The following ZNF189 variants were observed in gnomAD, a reference collection of about 807,000 sequenced individuals.
ZNF189 encodes the protein zinc finger protein 189.
Under a neutral mutation model 53.5 loss-of-function variants are expected in ZNF189, and 33 were observed. The observed-to-expected ratio is 0.62, with a 90% CI of 0.47 to 0.82. The LOEUF (loss-of-function observed/expected upper bound fraction) is 0.82. Among genes scored for constraint, ZNF189 ranks in the 40% least tolerant of loss-of-function variants. The probability of loss-of-function intolerance (pLI) is 0.00; values close to 1 mark genes in which losing one functional copy is unlikely to be tolerated. For synonymous variants in ZNF189, 247 were observed against 238.8 expected (o/e 1.03, Z -0.32); for missense variants, 711 against 753.9 (o/e 0.94, Z 0.67).
At position 101,408,435 on chromosome 9, in the gene ZNF189, C is replaced by G. The variant is rs1282415608; in HGVS notation, c.667C>G (p.Gln223Glu). Residue 223 changes from glutamine (Q) to glutamate (E), a missense_variant, in exon 3 of 3, where the codon CAG becomes GAG. Gln to Glu is a conservative substitution (Grantham distance 29, BLOSUM62 2). Transcript: ENST00000339664. Reference sequence around the variant, plus strand: ...TGTGAGCTCAACCCTTATTAGACATCAGAGAATCCACACTGGAGAAAGACC... The same window carrying G: ...TGTGAGCTCAACCCTTATTAGACATGAGAGAATCCACACTGGAGAAAGACC... ...FSVSSTLIRH[Q>E]RIHTGERPYQ... 3 of 1,613,880 alleles carry G rather than the reference C, an allele frequency of 1.9e-6. No individual in the cohort carries two copies. Among genetic ancestry groups the G allele is most frequent in the Non-Finnish European group, 1.7e-6 (2 of 1,179,994 alleles).
chr9:101,399,105 C>T lies in ZNF189; in HGVS notation c.-52C>T, dbSNP rs950706162. On this transcript the variant is annotated 5_prime_UTR_variant, in exon 1 of 3. Transcript: ENST00000339664. ...GCAGCCGGGTAGGCCTCACCAGAGGCTCCTTTCCGTGAGGCCGCCCCCAAT... is the reference window on the plus strand; with the variant it reads ...GCAGCCGGGTAGGCCTCACCAGAGGTTCCTTTCCGTGAGGCCGCCCCCAAT... The T allele has an allele frequency of 2.3e-5, 31 of 1,362,196 alleles. No individual in the cohort carries two copies. In the Admixed American group the frequency reaches 2.7e-4, roughly 12 times the overall value. The allele number at this position is 1,362,196 out of a possible 1,614,324, so 84.4% of individuals were successfully genotyped here.
At chr9:101,399,535 A>G (rs1830452392) in intron 1 of ZNF189, 2 of 1,276,012 alleles carry the variant, frequency 1.6e-6, no homozygotes, top group South Asian at 1.9e-5. Flanking sequence ...CCCAAGGTAC[A>G]CGCTTAGAGA....
In ZNF189 at chr9:101,408,434, T is replaced by C. The variant is rs1208408743; in HGVS notation, c.666T>C (p.His222=). The C allele has an allele frequency of 1.2e-6, 2 of 1,613,374 alleles. No individual in the cohort carries two copies. Among genetic ancestry groups the C allele is most frequent in the Non-Finnish European group, 8.5e-7 (1 of 1,179,898 alleles). Reference sequence around the variant, plus strand: ...GTGTGAGCTCAACCCTTATTAGACATCAGAGAATCCACACTGGAGAAAGAC... The same window carrying C: ...GTGTGAGCTCAACCCTTATTAGACACCAGAGAATCCACACTGGAGAAAGAC... ...TFSVSSTLIR[H]QRIHTGERPY... Residue 222 remains histidine, a synonymous_variant, in exon 3 of 3, where the codon CAT becomes CAC. Transcript: ENST00000339664.
intron 2 of ZNF189, among the ~76,000 whole-genome samples, chr9:101,401,109 C>T (rs1830515340): frequency 6.6e-6 from 1 of 152,220 alleles, no homozygotes; most frequent in Non-Finnish European, 1.5e-5. Flanking sequence ...TCACCTTTCT[C>T]TCTTTCCTAC....
chr9:101,399,804 A>G lies in ZNF189; in HGVS notation c.34-80A>G, dbSNP rs1483473631. ...CCTCCTAGCCTACTTGGCCACAATAAGTGATTGCCTCTGTCACTTTTAGTG... is the reference window on the plus strand; with the variant it reads ...CCTCCTAGCCTACTTGGCCACAATAGGTGATTGCCTCTGTCACTTTTAGTG... On this transcript the variant is annotated intron_variant, in intron 1 of 2. Coordinates refer to ENST00000339664, the MANE Select transcript of ZNF189 (RefSeq NM_003452.4). 4 of 1,598,890 alleles carry G rather than the reference A, an allele frequency of 2.5e-6. No homozygotes were observed. In the East Asian group the frequency reaches 8.9e-5, roughly 36 times the overall value.
chr9:101,402,538 A>G (rs561122526), intron 2 of ZNF189, among the ~76,000 whole-genome samples: 21 of 152,310 alleles, frequency 1.4e-4, no homozygotes, highest in Admixed American at 3.9e-4. Flanking sequence ...GAGTAATTCA[A>G]ACCTGGCAAG....
chr9:101,404,646 T>G (rs1830646610), intron 2 of ZNF189, among the ~76,000 whole-genome samples: 3 of 152,248 alleles, frequency 2.0e-5, no homozygotes, highest in Admixed American at 2.0e-4. Context: ...GTTATGATTA[T>G]ATTTTCATTT....
chr9:101,406,142 C>T (rs904938608), intron 2 of ZNF189, among the ~76,000 whole-genome samples: 1 of 151,380 alleles, frequency 6.6e-6, no homozygotes, highest in South Asian at 2.1e-4. Flanking sequence ...GAAACAGAAA[C>T]CAGATTTCGC....
At chr9:101,403,930 C>G (rs1026957237) in intron 2 of ZNF189, among the ~76,000 whole-genome samples, 1 of 152,200 alleles carries the variant, frequency 6.6e-6, no homozygotes, top group Non-Finnish European at 1.5e-5. Flanking sequence ...TTAGTCTTTT[C>G]TCCTTATGTT....
In ZNF189 at chr9:101,408,317, A is replaced by G. The variant is rs750781772; in HGVS notation, c.549A>G (p.Lys183=). The part of the protein sequence containing the change: ...EKPFQCNECG[K]SFSRSSFVIE... ...CTTTTCAGTGCAATGAATGTGGGAAAAGTTTTAGTCGCAGTTCATTTGTTA... is the reference window on the plus strand; with the variant it reads ...CTTTTCAGTGCAATGAATGTGGGAAGAGTTTTAGTCGCAGTTCATTTGTTA... Residue 183 remains lysine, a synonymous_variant, in exon 3 of 3, where the codon AAA becomes AAG. Coordinates refer to ENST00000339664, the MANE Select transcript of ZNF189 (RefSeq NM_003452.4). 3.7e-6 allele frequency: 6 copies of G among 1,613,958 alleles called. No homozygotes were observed. The African/African-American group carries it at 4.0e-5, about 11-fold the overall frequency.
At chr9:101,407,473 C>T in intron 2 of ZNF189, 1 of 398,966 alleles carries the variant, frequency 2.5e-6, no homozygotes, top group Non-Finnish European at 4.4e-6. Flanking sequence ...GCAGCCTCAA[C>T]CTGTTGGGCT....
At position 101,409,697 on chromosome 9, in the gene ZNF189, G is replaced by C. The variant is rs755134874; in HGVS notation, c.*48G>C. ...AATTTGATTTGAGACTAGTACCCAA[G>C]TGCAGTTTTAGTATGGCTCAACATG... On this transcript the variant is annotated 3_prime_UTR_variant, in exon 3 of 3. Coordinates refer to ENST00000339664, the MANE Select transcript of ZNF189 (RefSeq NM_003452.4). 58 of 1,541,072 alleles carry C rather than the reference G, an allele frequency of 3.8e-5. No individual in the cohort carries two copies. In the Middle Eastern group the frequency reaches 8.8e-4, roughly 23 times the overall value.
intron 2 of ZNF189, among the ~76,000 whole-genome samples, chr9:101,400,298 C>G (rs1588153787): frequency 6.6e-6 from 1 of 152,242 alleles, no homozygotes; most frequent in East Asian, 1.9e-4. Flanking sequence ...TTTCACTCTG[C>G]GTTCTGGAAC....
rs1301031220 is a variant in ZNF189, at chr9:101,409,188, C to T, written c.1420C>T (p.His474Tyr). The T allele has an allele frequency of 3.1e-6, 5 of 1,614,100 alleles. No individual in the cohort carries two copies. Among genetic ancestry groups the T allele is most frequent in the Non-Finnish European group, 4.2e-6 (5 of 1,180,026 alleles). ...TFSVSAHLVQ[H>Y]QRIHTGEKPY... ...TAGTGTTAGTGCTCATCTTGTACAA[C>T]ATCAAAGAATCCACACTGGTGAAAA... is the stretch of plus-strand genomic sequence containing the variant. The change falls in exon 3 of 3, where the codon CAT becomes TAT. Residue 474 changes from histidine (H) to tyrosine (Y), a missense_variant. Coordinates refer to ENST00000339664, the MANE Select transcript of ZNF189 (RefSeq NM_003452.4).
At position 101,407,986 on chromosome 9, in the gene ZNF189, T is replaced by C; in HGVS notation, c.218T>C (p.Ile73Thr). ...ACTGTAAAACAAGAGATTGAAGAAA[T>C]TGAGGAAGAAGTGGAACCACAGGGT... ...EPTVKQEIEE[I>T]EEEVEPQGVI... The change falls in exon 3 of 3, where the codon ATT (isoleucine) becomes ACT (threonine). Residue 73 changes from isoleucine (I) to threonine (T), a missense_variant. Coordinates refer to ENST00000339664, the MANE Select transcript of ZNF189 (RefSeq NM_003452.4). 1 of 1,605,354 alleles carries C rather than the reference T, an allele frequency of 6.2e-7. No individual in the cohort carries two copies. The highest frequency in any genetic ancestry group is 1.1e-5 in the South Asian group (1 of 89,090).
chr9:101,399,721 G>A (rs1830459080), intron 1 of ZNF189, among the ~76,000 whole-genome samples, 163 bp from the exon 2 acceptor site: 1 of 152,212 alleles, frequency 6.6e-6, no homozygotes, highest in African/African-American at 2.4e-5. Flanking sequence ...TGAGATGTCT[G>A]TCAGTTACAG....
Position 101,400,845 on chromosome 9 carries a change from G to A in ZNF189, c.160+835G>A, listed in dbSNP as rs966317014. ...GGAAGTTTATTGACTGTGACTAGAC[G>A]AGGGTAACCAAAACAGACAGGCTTT... On this transcript the variant is annotated intron_variant, in intron 2 of 2. Coordinates refer to ENST00000339664, the MANE Select transcript of ZNF189 (RefSeq NM_003452.4). 3.3e-5 allele frequency among the ~76,000 whole-genome samples: 5 copies of A among 152,156 alleles called. No individual in the cohort carries two copies. The East Asian group carries it at 5.8e-4, about 18-fold the overall frequency.
At chr9:101,404,679 A>G (rs1588158153) in intron 2 of ZNF189, among the ~76,000 whole-genome samples, 1 of 152,152 alleles carries the variant, frequency 6.6e-6, no homozygotes, top group Non-Finnish European at 1.5e-5. Context: ...AATTTTAGGT[A>G]TATATTCATA....
chr9:101,409,139 A>C lies in ZNF189; in HGVS notation c.1371A>C (p.Lys457Asn). Residue 457 changes from lysine (K) to asparagine (N), a missense_variant, in exon 3 of 3, where the codon AAA (lysine) becomes AAC (asparagine). By Grantham distance (94) the Lys-to-Asn change is moderately conservative. Coordinates refer to ENST00000339664, the MANE Select transcript of ZNF189 (RefSeq NM_003452.4). ...TCTACCCTAAGGAGAAATCTTATAA[A>C]TGTGATGAATGTGGGAAAACTTTTA... ...QEVYPKEKSY[K>N]CDECGKTFSV... The C allele has an allele frequency of 1.9e-6, 3 of 1,614,070 alleles. No individual in the cohort carries two copies. The highest frequency in any genetic ancestry group is 2.5e-6 in the Non-Finnish European group (3 of 1,179,984).
Sources: gnomAD v4.1 joint callset for allele counts (sites outside exome capture counted in the v4.1 genomes callset) on GRCh38, gnomAD v4.1.1 for gene constraint, MANE v1.5 for transcripts, NCBI Gene and HGNC (gene_info 2026-07-23, HGNC 2026-07-21) for gene names.